PALM2AKAP2: variants seen among roughly 807,000 people sequenced by gnomAD.
The protein encoded by PALM2AKAP2 is PALM2 and AKAP2 fusion, also known as PALM2-AKAP2 fusion protein.
Under a neutral mutation model 71.5 loss-of-function variants are expected in PALM2AKAP2, and 37 were observed. The ratio of observed to expected loss-of-function variants is 0.52; its 90% CI spans 0.40 to 0.68. The LOEUF is 0.68. Ranked by LOEUF, PALM2AKAP2 falls within the 30% of genes least tolerant of loss-of-function variation. PALM2AKAP2 has a pLI of 0.00. For missense variants in PALM2AKAP2, 1,224 were observed against 1,191.8 expected, an observed-to-expected ratio of 1.03 and a Z score of -0.40; for synonymous variants, 468 against 478.8, an observed-to-expected ratio of 0.98 and a Z score of 0.29.
At chr9:109,841,441 A>C (rs1346998874) in intron 1 of PALM2AKAP2, among the ~76,000 whole-genome samples, 2 of 141,340 alleles carry the variant, frequency 1.4e-5, no homozygotes, top group East Asian at 4.2e-4. Context: ...GGTGCAGCAC[A>C]CCAACATGGC....
intron 1 of PALM2AKAP2, among the ~76,000 whole-genome samples, chr9:110,053,986 T>C (rs1833775497): frequency 6.6e-6 from 1 of 152,230 alleles, no homozygotes; most frequent in Non-Finnish European, 1.5e-5. Flanking sequence ...ACGCAGATAT[T>C]GTGGTGCGCC....
At chr9:110,137,261 A>G in exon 2 of PALM2AKAP2, 1 of 1,614,268 alleles carries the variant, frequency 6.2e-7, no homozygotes, top group African/African-American at 1.3e-5. Flanking sequence ...AGCGGTGGCC[A>G]AGGGCCAGAG....
Sources: gnomAD v4.1 joint callset for allele counts (sites outside exome capture counted in the v4.1 genomes callset) on GRCh38, gnomAD v4.1.1 for gene constraint, MANE v1.5 for transcripts, NCBI Gene and HGNC (gene_info 2026-07-23, HGNC 2026-07-21) for gene names.